The following AKAP13 variants were observed in gnomAD, a reference collection of about 807,000 sequenced individuals.
AKAP13 encodes the protein A-kinase anchoring protein 13.
AKAP13 carries 80 observed loss-of-function variants against 264.5 expected under a neutral mutation model. The ratio of observed to expected loss-of-function variants is 0.30; its 90% confidence interval spans 0.25 to 0.36. AKAP13 has a LOEUF of 0.36. AKAP13 is among the 10% of genes least tolerant of loss of function. The pLI is 1.00. For synonymous variants in AKAP13, 1,380 were observed against 1,250.2 expected, an observed-to-expected ratio of 1.10 and a Z score of -2.19; for missense variants, 3,712 against 3,435.2, an observed-to-expected ratio of 1.08 and a Z score of -2.01.
chr15:85,680,519 G>A (rs1310650023), intron 14 of AKAP13, among the ~76,000 whole-genome samples: 1 of 152,092 alleles, frequency 6.6e-6, no homozygotes, highest in African/African-American at 2.4e-5. Flanking sequence ...GCAATCTTTT[G>A]AAGACTTAGA....
intron 1 of AKAP13, among the ~76,000 whole-genome samples, chr15:85,465,207 C>T (rs1043289169): frequency 1.3e-5 from 2 of 151,942 alleles, no homozygotes; most frequent in Non-Finnish European, 2.9e-5. Flanking sequence ...CTGCCTCAGC[C>T]TCCCAAAGTG....
chr15:85,619,981 TCTC>T (rs2081104356), intron 8 of AKAP13: 1 of 1,483,058 alleles, frequency 6.7e-7, no homozygotes, highest in Non-Finnish European at 8.9e-7. Context: ...AAGGCAGAGA[TCTC>T]CACCACCTAA....
At chr15:85,442,526 A>AT (rs1555430021) in intron 1 of AKAP13, among the ~76,000 whole-genome samples, 11,318 of 108,626 alleles carry the variant, frequency 0.1, 915 homozygotes, top group Non-Finnish European at 0.17. Flanking sequence ...ATATTATATT[A>AT]TATATAATAT....
chr15:85,483,339 A>C (rs2075405729), intron 1 of AKAP13, among the ~76,000 whole-genome samples: 1 of 152,200 alleles, frequency 6.6e-6, no homozygotes, highest in African/African-American at 2.4e-5. Flanking sequence ...ACTGTCTTAA[A>C]ACATTGGCTG....
chr15:85,606,526 G>C (rs911723386), intron 8 of AKAP13, among the ~76,000 whole-genome samples: 1 of 152,190 alleles, frequency 6.6e-6, no homozygotes, highest in Admixed American at 6.5e-5. Context: ...GAGATGTCTT[G>C]TTCCACGAGA....
At chr15:85,653,123 C>T (rs965843129) in intron 10 of AKAP13, among the ~76,000 whole-genome samples, 4 of 152,120 alleles carry the variant, frequency 2.6e-5, no homozygotes, top group African/African-American at 9.7e-5. Context: ...CCCCTGAGTC[C>T]CTCACTCAGA....
intron 1 of AKAP13, among the ~76,000 whole-genome samples, chr15:85,389,234 T>G (rs1198545360): frequency 6.6e-6 from 1 of 152,144 alleles, no homozygotes; most frequent in Non-Finnish European, 1.5e-5. Context: ...TCCCTCCTCT[T>G]CTCTCGTACT....
At chr15:85,622,698 G>T (rs1382537) in intron 8 of AKAP13, among the ~76,000 whole-genome samples, 93,855 of 151,484 alleles carry the variant, frequency 0.62, 29,192 homozygotes, top group Middle Eastern at 0.74. Context: ...CTCATTTTAC[G>T]TACAGGAAAA....
chr15:85,471,781 A>T (rs547835262), intron 1 of AKAP13, among the ~76,000 whole-genome samples: 105 of 152,316 alleles, frequency 6.9e-4, no homozygotes, highest in African/African-American at 2.4e-3. Context: ...AGGTAATATA[A>T]GTCTTTGAAC....
At chr15:85,609,824 C>T (rs1596703366) in intron 8 of AKAP13, among the ~76,000 whole-genome samples, 2 of 152,150 alleles carry the variant, frequency 1.3e-5, no homozygotes, top group African/African-American at 2.4e-5. Flanking sequence ...GCAACACCCA[C>T]CTCCTCTCTT....
intron 1 of AKAP13, among the ~76,000 whole-genome samples, chr15:85,440,911 A>G (rs529512331): frequency 7.7e-4 from 117 of 152,328 alleles, no homozygotes; most frequent in African/African-American, 2.7e-3. Flanking sequence ...GTGCAAGTAG[A>G]TTTCACTGTA....
At chr15:85,687,669 A>G (rs1034419660) in intron 16 of AKAP13, among the ~76,000 whole-genome samples, 2 of 151,752 alleles carry the variant, frequency 1.3e-5, no homozygotes, top group East Asian at 3.9e-4. Flanking sequence ...GTCACCTTTT[A>G]TAGTGAGGTG....
rs758897044 is a variant in AKAP13, at chr15:85,580,305, T to A, written c.2237T>A (p.Val746Glu). 3.7e-6 allele frequency: 6 copies of A among 1,614,080 alleles called. No individual in the cohort carries two copies. Among genetic ancestry groups the A allele is most frequent in the Non-Finnish European group, 5.1e-6 (6 of 1,180,044 alleles). The change falls in exon 7 of 37, where the codon GTG becomes GAG. Residue 746 changes from valine to glutamate, a missense_variant. By Grantham distance (121) the Val-to-Glu change is moderately radical. Coordinates refer to ENST00000394518, the MANE Select transcript of AKAP13 (RefSeq NM_007200.5). ...GATAACAAAGGCCAACGAAAAGATG[T>A]GAAACTAGATAAACCTTTAACAAAT... ...VVDNKGQRKD[V>E]KLDKPLTNML...
At chr15:85,617,661 C>T (rs567014074) in intron 8 of AKAP13, among the ~76,000 whole-genome samples, 1 of 152,220 alleles carries the variant, frequency 6.6e-6, no homozygotes, top group South Asian at 2.1e-4. Context: ...CAGTGAGGAA[C>T]AAACCATATT....
At chr15:85,716,695 T>TTTTTG (rs369640063) in intron 20 of AKAP13, among the ~76,000 whole-genome samples, 134 of 152,340 alleles carry the variant, frequency 8.8e-4, no homozygotes, top group African/African-American at 2.5e-3. Flanking sequence ...GTTTCAGGTA[T>TTTTTG]TTTTGTTTTG....
At chr15:85,608,273 C>A (rs1468259564) in intron 8 of AKAP13, among the ~76,000 whole-genome samples, 1 of 152,146 alleles carries the variant, frequency 6.6e-6, no homozygotes, top group African/African-American at 2.4e-5. Flanking sequence ...GAGTATTCTT[C>A]TAATACAGAA....
chr15:85,675,404 G>T (rs2084169568), intron 14 of AKAP13, among the ~76,000 whole-genome samples: 1 of 152,300 alleles, frequency 6.6e-6, no homozygotes, highest in African/African-American at 2.4e-5. Context: ...GTATGGAGTG[G>T]CTTTCATAAT....
At chr15:85,445,616 A>G (rs1447615785) in intron 1 of AKAP13, among the ~76,000 whole-genome samples, 1 of 152,174 alleles carries the variant, frequency 6.6e-6, no homozygotes, top group Non-Finnish European at 1.5e-5. Flanking sequence ...CTTTCATAGC[A>G]CTGTGACTTA....
chr15:85,598,942 C>G (rs1242325915), intron 8 of AKAP13, among the ~76,000 whole-genome samples: 5 of 152,140 alleles, frequency 3.3e-5, no homozygotes, highest in Non-Finnish European at 7.3e-5. Context: ...GAAAGTGATG[C>G]GTGTATCATG....
Sources: gnomAD v4.1 joint callset for allele counts (sites outside exome capture counted in the v4.1 genomes callset) on GRCh38, gnomAD v4.1.1 for gene constraint, MANE v1.5 for transcripts, NCBI Gene and HGNC (gene_info 2026-07-23, HGNC 2026-07-21) for gene names.